PSTPIP2: variants seen among roughly 807,000 people sequenced by gnomAD.
PSTPIP2 encodes proline-serine-threonine phosphatase-interacting protein 2.
In PSTPIP2, 33 loss-of-function variants were observed where a neutral mutation model predicts 63.3. The ratio of observed to expected loss-of-function variants is 0.52; its 90% CI spans 0.40 to 0.70. PSTPIP2 has a LOEUF of 0.70. PSTPIP2 is among the 30% of genes least tolerant of loss of function. The pLI is 0.00. For missense variants in PSTPIP2, 312 were observed against 400.7 expected, an observed-to-expected ratio of 0.78 and a Z score of 1.89; for synonymous variants, 125 against 132.7, an observed-to-expected ratio of 0.94 and a Z score of 0.40.
intron 1 of PSTPIP2, among the ~76,000 whole-genome samples, chr18:46,069,565 C>T (rs1020800679): frequency 1.3e-5 from 2 of 152,184 alleles, no homozygotes; most frequent in South Asian, 4.1e-4. Context: ...TACAGGCACA[C>T]GCCAGCTCCA....
intron 1 of PSTPIP2, among the ~76,000 whole-genome samples, chr18:46,069,881 C>T (rs1001542533): frequency 2.6e-5 from 4 of 152,060 alleles, no homozygotes; most frequent in South Asian, 2.1e-4. Context: ...TGTGGACTTC[C>T]GATCTCTTCA....
At chr18:46,026,624 C>T (rs543158248) in intron 2 of PSTPIP2, among the ~76,000 whole-genome samples, 1 of 152,252 alleles carries the variant, frequency 6.6e-6, no homozygotes, top group African/African-American at 2.4e-5. Context: ...GCCTGTAATC[C>T]CAGCACTTTG....
chr18:46,044,795 C>T (rs1401948479), intron 1 of PSTPIP2, among the ~76,000 whole-genome samples: 1 of 152,118 alleles, frequency 6.6e-6, no homozygotes, highest in Non-Finnish European at 1.5e-5. Flanking sequence ...CTACAATGAA[C>T]TCAAACAAAT....
At chr18:46,052,099 G>C (rs1908602415) in intron 1 of PSTPIP2, among the ~76,000 whole-genome samples, 1 of 152,252 alleles carries the variant, frequency 6.6e-6, no homozygotes, top group African/African-American at 2.4e-5. Flanking sequence ...CAGAGGAACA[G>C]AGTGAGACAC....
intron 5 of PSTPIP2, 24 bp from the exon 6 acceptor site, chr18:46,005,555 T>C (rs1187677897): frequency 1.3e-6 from 2 of 1,502,276 alleles, no homozygotes; most frequent in Admixed American, 3.9e-5. Flanking sequence ...ATAAACACTC[T>C]TAATAAAAAC....
intron 3 of PSTPIP2, among the ~76,000 whole-genome samples, chr18:46,017,578 T>C (rs1160334194): frequency 6.6e-6 from 1 of 152,122 alleles, no homozygotes; most frequent in Non-Finnish European, 1.5e-5. Flanking sequence ...TTTTAACCTC[T>C]GATTTTTTTT....
At chr18:46,043,403 A>AAAAAG (rs1908266432) in intron 1 of PSTPIP2, among the ~76,000 whole-genome samples, 1 of 151,950 alleles carries the variant, frequency 6.6e-6, no homozygotes, top group Non-Finnish European at 1.5e-5. Flanking sequence ...AATGAAAAAA[A>AAAAAG]AAAAGAAAAG....
chr18:45,999,643 G>GACAATCAGAGCA, intron 6 of PSTPIP2, 109 bp from the exon 7 acceptor site: 1 of 1,051,914 alleles, frequency 9.5e-7, no homozygotes, highest in Non-Finnish European at 1.4e-6. Context: ...TCTGATTAGT[G>GACAATCAGAGCA]CTCTGATTGT....
intron 6 of PSTPIP2, among the ~76,000 whole-genome samples, chr18:46,002,047 G>A (rs965650876): frequency 1.3e-5 from 2 of 152,076 alleles, no homozygotes; most frequent in South Asian, 2.1e-4. Flanking sequence ...CAGCATTTGC[G>A]ATATGTTGTG....
chr18:46,029,207 C>A, intron 2 of PSTPIP2: 1 of 1,061,464 alleles, frequency 9.4e-7, no homozygotes, highest in Non-Finnish European at 1.5e-6. Flanking sequence ...TCCTGTGCAT[C>A]AAGTGAGAGG....
intron 8 of PSTPIP2, 108 bp downstream of exon 8, chr18:45,998,686 A>G (rs1165071644): frequency 9.0e-7 from 1 of 1,114,326 alleles, no homozygotes; most frequent in African/African-American, 1.6e-5. Flanking sequence ...CTGAATATCC[A>G]TATATTCTCT....
chr18:45,998,145 C>T (rs1164513764), intron 8 of PSTPIP2, among the ~76,000 whole-genome samples: 3 of 152,158 alleles, frequency 2.0e-5, no homozygotes, highest in African/African-American at 7.2e-5. Flanking sequence ...CAGTATTTCC[C>T]ATCGCTTTTC....
chr18:46,041,579 T>C (rs1908196372), intron 1 of PSTPIP2, among the ~76,000 whole-genome samples: 1 of 152,166 alleles, frequency 6.6e-6, no homozygotes, highest in South Asian at 2.1e-4. Context: ...TTTATTCTAC[T>C]GTGCTCTCCA....
At chr18:46,068,184 A>G (rs534698240) in intron 1 of PSTPIP2, among the ~76,000 whole-genome samples, 5 of 152,228 alleles carry the variant, frequency 3.3e-5, no homozygotes, top group Non-Finnish European at 7.3e-5. Flanking sequence ...CATTAACATT[A>G]TATTAGGTAT....
chr18:46,027,757 A>T (rs558157541), intron 2 of PSTPIP2, among the ~76,000 whole-genome samples: 4 of 152,202 alleles, frequency 2.6e-5, no homozygotes, highest in Admixed American at 6.5e-5. Context: ...GAAGAAAAAA[A>T]ACTGAAGTGA....
chr18:46,038,171 G>C (rs988600748), intron 2 of PSTPIP2, among the ~76,000 whole-genome samples: 2 of 152,142 alleles, frequency 1.3e-5, no homozygotes, highest in African/African-American at 4.8e-5. Context: ...GTGATCCCCC[G>C]ACCTCAGCCT....
At chr18:46,024,047 AAAT>A (rs1474677042) in intron 3 of PSTPIP2, among the ~76,000 whole-genome samples, 2 of 152,062 alleles carry the variant, frequency 1.3e-5, no homozygotes, top group African/African-American at 2.4e-5. Flanking sequence ...TCACAATTGA[AAAT>A]AATAAAAAAA....
At chr18:46,010,412 G>A (rs1377272083) in intron 5 of PSTPIP2, among the ~76,000 whole-genome samples, 1 of 152,176 alleles carries the variant, frequency 6.6e-6, no homozygotes, top group Non-Finnish European at 1.5e-5. Flanking sequence ...TGTCTCCCAT[G>A]TGAGGCCCAG....
intron 1 of PSTPIP2, among the ~76,000 whole-genome samples, chr18:46,049,647 C>G (rs1205541215): frequency 1.3e-5 from 2 of 152,044 alleles, no homozygotes; most frequent in African/African-American, 4.8e-5. Flanking sequence ...TTTGGGAGGC[C>G]GAAGCAGGCG....
Sources: gnomAD v4.1 joint callset for allele counts (sites outside exome capture counted in the v4.1 genomes callset) on GRCh38, gnomAD v4.1.1 for gene constraint, MANE v1.5 for transcripts, NCBI Gene and HGNC (gene_info 2026-07-23, HGNC 2026-07-21) for gene names.